Variants in FAT2 observed in about 807,000 individuals in gnomAD.
The protein encoded by FAT2 is FAT atypical cadherin 2.
In FAT2, 150 loss-of-function variants were observed where a neutral mutation model predicts 295.3. That is an observed-to-expected ratio of 0.51 (90% confidence interval 0.44 to 0.58). The LOEUF is 0.58. Ranked by LOEUF, FAT2 falls within the 20% of genes least tolerant of loss-of-function variation. FAT2 has a pLI of 0.00. For synonymous variants in FAT2, 2,026 were observed against 2,150.3 expected (o/e 0.94, Z 1.60); for missense variants, 4,868 against 5,442.7 (o/e 0.89, Z 3.32).
Position 151,529,531 on chromosome 5 carries a change from A to G in FAT2, c.9812-139T>C, listed in dbSNP as rs1016576803. On this transcript the variant is annotated intron_variant, in intron 14 of 23. Coordinates refer to ENST00000261800, the MANE Select transcript of FAT2 (RefSeq NM_001447.3). ...AGTGTCCTCTGTCATCTCCCCATCC[A>G]TCTCCCTTTGCTATCCCCTTGACCC... 18 of 656,918 alleles carry G rather than the reference A, an allele frequency of 2.7e-5. No individual in the cohort carries two copies. In the South Asian group the frequency reaches 3.2e-4, roughly 12 times the overall value. The allele number at this position is 656,918 out of a possible 1,614,324, so 40.7% of individuals were successfully genotyped here.
intron 3 of FAT2, among the ~76,000 whole-genome samples, chr5:151,562,051 G>C (rs1758038298): frequency 6.6e-6 from 1 of 152,134 alleles, no homozygotes. Context: ...GCTTCAGCCT[G>C]TTTTCCAGGA....
chr5:151,571,825 C>G (rs963664559), intron 1 of FAT2, among the ~76,000 whole-genome samples: 2 of 152,234 alleles, frequency 1.3e-5, no homozygotes, highest in Non-Finnish European at 2.9e-5. Flanking sequence ...ATTCATATGA[C>G]TTCCCTGCTT....
At chr5:151,560,823 G>A (rs974004932) in intron 3 of FAT2, among the ~76,000 whole-genome samples, 2 of 152,240 alleles carry the variant, frequency 1.3e-5, no homozygotes, top group African/African-American at 4.8e-5. Flanking sequence ...GTACGTGAAT[G>A]AATCTTGGGC....
chr5:151,521,331 G>C lies in FAT2; in HGVS notation c.11262C>G (p.Ala3754=). The stretch of plus-strand genomic sequence containing the variant: ...GCCGCGGGGTTAGGATGCTGAGCCT[G>C]GCGGTGCTGTACGTGGGCCCAACCT... ...DPKVGPTYST[A]RLSILTPRHH... is the part of the protein sequence containing the mutation. The change falls in exon 19 of 24, where the codon GCC becomes GCG. Residue 3754 remains alanine, a synonymous_variant. Transcript: ENST00000261800. 1 of 1,613,936 alleles carries C rather than the reference G, an allele frequency of 6.2e-7. No individual in the cohort carries two copies. Among genetic ancestry groups the C allele is most frequent in the Non-Finnish European group, 8.5e-7 (1 of 1,179,784 alleles).
At position 151,510,190 on chromosome 5, in the gene FAT2, G is replaced by A. The variant is rs2127568087; in HGVS notation, c.11906-16C>T. On this transcript the variant is annotated splice_polypyrimidine_tract_variant and intron_variant, in intron 21 of 23. Transcript: ENST00000261800. ...CAGACATAGCCTAGGAGAAAAAGAA[G>A]GGAGGTGAGAGACCGCACTGGCCTA... 5 of 1,613,706 alleles carry A rather than the reference G, an allele frequency of 3.1e-6. No homozygotes were observed. The highest frequency in any genetic ancestry group is 4.2e-6 in the Non-Finnish European group (5 of 1,179,744).
intron 2 of FAT2, among the ~76,000 whole-genome samples, 200 bp downstream of exon 2, chr5:151,565,469 ATGTG>A (rs1758209045): frequency 6.6e-6 from 1 of 152,108 alleles, no homozygotes; most frequent in African/African-American, 2.4e-5. Context: ...ATATATGTGT[ATGTG>A]TATATGCACA....
chr5:151,552,533 G>A (rs576772901), intron 6 of FAT2, among the ~76,000 whole-genome samples: 20 of 152,106 alleles, frequency 1.3e-4, no homozygotes, highest in Non-Finnish European at 2.6e-4. Flanking sequence ...GTTTCAAAGG[G>A]CCTATACATC....
Position 151,512,070 on chromosome 5 carries a change from C to G in FAT2, c.11905+95G>C. 4 of 1,203,154 alleles carry G rather than the reference C, an allele frequency of 3.3e-6. 1 individual carries two copies. Among genetic ancestry groups the G allele is most frequent in the African/African-American group, 3.0e-5 (2 of 65,664 alleles). 74.5% of individuals were successfully genotyped at this position (1,203,154 alleles called of 1,614,324 possible). ...AGGGGAAGAGAGAGAAATTTGGAAC[C>G]AGGAGGCTCTGAGATCTCCACCCTG... is the stretch of plus-strand genomic sequence containing the variant. On this transcript the variant is annotated intron_variant, in intron 21 of 23. Transcript: ENST00000261800. The surrounding 1 kb of genome is among the most constrained non-coding windows in gnomAD (Gnocchi z 4.1).
In FAT2 at chr5:151,505,574, G is replaced by A. The variant is rs1760772736; in HGVS notation, c.13041C>T (p.Val4347=). The A allele has an allele frequency of 6.2e-7, 1 of 1,613,970 alleles. No individual in the cohort carries two copies. Among genetic ancestry groups the A allele is most frequent in the Admixed American group, 1.7e-5 (1 of 59,990 alleles). ...VESDYGSCEE[V]MF ...CTCTGGGAATGGGAAGCTAGAACAT[G>A]ACCTCCTCACAGCTGCCATAATCAC... The change falls in exon 24 of 24, where the codon GTC becomes GTT. Residue 4347 remains valine (V), a synonymous_variant. Transcript: ENST00000261800.
intron 3 of FAT2, among the ~76,000 whole-genome samples, chr5:151,559,219 T>C (rs1193495711): frequency 1.3e-5 from 2 of 152,192 alleles, no homozygotes; most frequent in Non-Finnish European, 2.9e-5. Flanking sequence ...TGTTCTCGCC[T>C]TGTGCAGTTG....
intron 8 of FAT2, 54 bp downstream of exon 8, chr5:151,550,536 C>A: frequency 1.9e-6 from 3 of 1,578,412 alleles, no homozygotes; most frequent in Middle Eastern, 1.7e-4. Flanking sequence ...AGCATGTCCA[C>A]CCCTACACAT....
intron 3 of FAT2, among the ~76,000 whole-genome samples, chr5:151,556,897 G>A (rs1225008864): frequency 1.3e-5 from 2 of 152,138 alleles, no homozygotes; most frequent in East Asian, 3.9e-4. Flanking sequence ...ACTGTAGGCT[G>A]AGGAGCATCA....
At chr5:151,537,329 GA>G (rs1755496234) in intron 12 of FAT2, among the ~76,000 whole-genome samples, 3 of 101,668 alleles carry the variant, frequency 3.0e-5, no homozygotes, top group Non-Finnish European at 6.2e-5. Context: ...GAGAAAAAAA[GA>G]AAGAAAAGAA....
At chr5:151,524,690 G>A (rs1753815366) in intron 18 of FAT2, among the ~76,000 whole-genome samples, 1 of 152,190 alleles carries the variant, frequency 6.6e-6, no homozygotes, top group African/African-American at 2.4e-5. Context: ...AGGCCCACAT[G>A]ATCTACCCAG....
chr5:151,545,481 G>T lies in FAT2; in HGVS notation c.5646C>A (p.Val1882=). 1 of 1,614,142 alleles carries T rather than the reference G, an allele frequency of 6.2e-7. No homozygotes were observed. Among genetic ancestry groups the T allele is most frequent in the Non-Finnish European group, 8.5e-7 (1 of 1,180,028 alleles). Residue 1882 remains valine (V), a synonymous_variant, in exon 10 of 24, where the codon GTC becomes GTA. Coordinates refer to ENST00000261800, the MANE Select transcript of FAT2 (RefSeq NM_001447.3). ...FSEQIYEVAI[V]GPIHPGMELL... is the part of the protein sequence containing the mutation. ...GCTCCATGCCTGGATGGATAGGCCC[G>T]ACTATTGCTACCTCATATATCTGTT...
chr5:151,515,139 C>G (rs888509596), intron 20 of FAT2, among the ~76,000 whole-genome samples: 4 of 152,186 alleles, frequency 2.6e-5, no homozygotes, highest in African/African-American at 9.7e-5. Context: ...CACTTCCCAT[C>G]TTACTGGCCT....
At chr5:151,552,617 C>T (rs1026068936) in intron 6 of FAT2, among the ~76,000 whole-genome samples, 1 of 152,188 alleles carries the variant, frequency 6.6e-6, no homozygotes, top group Non-Finnish European at 1.5e-5. Context: ...CCTAAGCGTT[C>T]GTCAGATTCC....
At chr5:151,574,778 C>T (rs1758680822) in intron 1 of FAT2, among the ~76,000 whole-genome samples, 1 of 152,128 alleles carries the variant, frequency 6.6e-6, no homozygotes, top group African/African-American at 2.4e-5. Context: ...CTTGGATGAA[C>T]ATGTGAGTCA....
Position 151,554,426 on chromosome 5 carries a change from T to G in FAT2, c.3881A>C (p.Asp1294Ala), listed in dbSNP as rs2127630465. ...GGATGAAACCACACCTGTGACCAGG[T>G]CGATACTGAAGGCCTCCTCATCGCT... The part of the protein sequence containing the change: ...EDSDEEAFSI[D>A]LVTGVVSSSS... Residue 1294 changes from aspartate (D) to alanine (A), a missense_variant, in exon 5 of 24, where the codon GAC becomes GCC. Asp to Ala is a moderately radical substitution (Grantham distance 126). Around this residue, in one of 5 missense-constraint regions of FAT2, gnomAD observed 3,297 missense variants for 3,669.4 expected, o/e 0.90. Transcript: ENST00000261800. 2.5e-6 allele frequency: 4 copies of G among 1,614,168 alleles called. No individual in the cohort carries two copies. The highest frequency in any genetic ancestry group is 3.4e-6 in the Non-Finnish European group (4 of 1,180,034).
Sources: allele counts gnomAD v4.1 joint callset (sites outside exome capture counted in the v4.1 genomes callset), GRCh38; gene constraint gnomAD v4.1.1; regional missense constraint gnomAD v4.1.1; non-coding constraint Gnocchi (gnomAD v3.1); transcripts MANE v1.5; gene names NCBI Gene and HGNC (gene_info 2026-07-23, HGNC 2026-07-21).